Variants in ANO3 observed in about 807,000 individuals in gnomAD.
ANO3 encodes the protein anoctamin 3.
In ANO3, 99 loss-of-function variants were observed where a neutral mutation model predicts 144.8. The ratio of observed to expected loss-of-function variants is 0.68; its 90% CI spans 0.58 to 0.81. ANO3 has a LOEUF of 0.81. Among genes scored for constraint, ANO3 ranks in the 30% least tolerant of loss-of-function variants. The probability of loss-of-function intolerance (pLI) is 0.00; values close to 1 mark genes in which losing one functional copy is unlikely to be tolerated. For missense variants in ANO3, 905 were observed against 1,202.2 expected (o/e 0.75, Z 3.66); for synonymous variants, 414 against 392.6 (o/e 1.05, Z -0.64).
chr11:26,509,084 C>T (rs1861547092), intron 5 of ANO3, among the ~76,000 whole-genome samples: 1 of 107,942 alleles, frequency 9.3e-6, no homozygotes, highest in African/African-American at 3.1e-5. Context: ...CATATATATA[C>T]ACACATCTAT....
chr11:26,643,963 A>C (rs1312292002), intron 23 of ANO3, among the ~76,000 whole-genome samples: 1 of 152,150 alleles, frequency 6.6e-6, no homozygotes, highest in Non-Finnish European at 1.5e-5. Flanking sequence ...CCATCTCCAG[A>C]TATTGAACCT....
chr11:26,312,333 G>A (rs1031871032), intron 1 of ANO3, among the ~76,000 whole-genome samples: 9 of 152,252 alleles, frequency 5.9e-5, no homozygotes, highest in African/African-American at 2.2e-4. Flanking sequence ...ATAGCAGCAT[G>A]ATTTGTAATC....
chr11:26,561,163 T>A, intron 14 of ANO3: 1 of 1,612,840 alleles, frequency 6.2e-7, no homozygotes, highest in East Asian at 2.2e-5. Flanking sequence ...AAAGTTGGAT[T>A]GTAGTAGCTA....
At chr11:26,295,515 C>CA (rs71047842) in intron 1 of ANO3, among the ~76,000 whole-genome samples, 2,835 of 63,686 alleles carry the variant, frequency 0.045, 97 homozygotes, top group East Asian at 0.084. Context: ...GACTCTGTCT[C>CA]AAAAAAAAAA....
intron 14 of ANO3, among the ~76,000 whole-genome samples, chr11:26,595,120 A>G (rs1306408914): frequency 2.0e-5 from 3 of 152,186 alleles, no homozygotes; most frequent in Non-Finnish European, 4.4e-5. Context: ...AGCGTCCTCT[A>G]TGGTGTTAAT....
At chr11:26,411,273 T>C (rs1274020015) in intron 1 of ANO3, among the ~76,000 whole-genome samples, 1 of 151,944 alleles carries the variant, frequency 6.6e-6, no homozygotes, top group African/African-American at 2.4e-5. Flanking sequence ...ATGGAGAAGA[T>C]GGATGTAAAT....
At chr11:26,256,983 C>T (rs1000981967) in intron 1 of ANO3, among the ~76,000 whole-genome samples, 5 of 151,642 alleles carry the variant, frequency 3.3e-5, no homozygotes, top group African/African-American at 7.3e-5. Flanking sequence ...AGAACAACCC[C>T]CAGCAAAAAA....
intron 17 of ANO3, among the ~76,000 whole-genome samples, chr11:26,612,393 C>A (rs1407100601): frequency 2.0e-5 from 3 of 150,904 alleles, no homozygotes; most frequent in Admixed American, 2.0e-4. Flanking sequence ...AGGCTCTTTC[C>A]CTCCCCCTAC....
chr11:26,460,474 A>G (rs1859354397), intron 3 of ANO3, among the ~76,000 whole-genome samples: 2 of 148,130 alleles, frequency 1.4e-5, no homozygotes, highest in Non-Finnish European at 3.0e-5. Context: ...GAAGGAAGGG[A>G]GGAAGGAAGG....
rs201712393 is a variant in ANO3, at chr11:26,595,460, G to GTTTTTTTTTTTTTTTTTTTT, written c.1448-2897_1448-2878dup. Among the ~76,000 whole-genome samples, 30 of 101,382 alleles carry GTTTTTTTTTTTTTTTTTTTT rather than the reference G, an allele frequency of 3.0e-4. 2 individuals are homozygous for GTTTTTTTTTTTTTTTTTTTT. The highest frequency in any genetic ancestry group is 5.4e-4 in the African/African-American group (13 of 23,946). 66.5% of individuals were successfully genotyped at this position (101,382 alleles called of 152,430 possible). A position where few individuals can be genotyped will look rare whatever the true frequency, so the allele number is the denominator to read the frequency against. The stretch of plus-strand genomic sequence containing the variant: ...TTTGACTCAGTATTGAGATAGAGTT[G>GTTTTTTTTTTTTTTTTTTTT]TTTTTTTTTTTTTTTTTTTTTTTTT... On this transcript the variant is annotated intron_variant, in intron 14 of 26. Coordinates refer to ENST00000256737, the MANE Select transcript of ANO3 (RefSeq NM_031418.4).
chr11:26,296,241 T>G (rs1435435533), intron 1 of ANO3, among the ~76,000 whole-genome samples: 2 of 152,220 alleles, frequency 1.3e-5, no homozygotes, highest in Non-Finnish European at 1.5e-5. Context: ...TAAATGAGTT[T>G]ATTAAAACCC....
chr11:26,572,533 C>T (rs953992369), intron 14 of ANO3, among the ~76,000 whole-genome samples: 1 of 152,068 alleles, frequency 6.6e-6, no homozygotes, highest in Non-Finnish European at 1.5e-5. Context: ...GCACTTGTTG[C>T]TCTATGCCAG....
In ANO3 at chr11:26,345,940, G is replaced by A. The variant is rs373349665; in HGVS notation, c.46+13619G>A. ...TATAGAAAAGCTGGAATTTGAATGA[G>A]CAATATGGCTGTATAACTTGTTTTC... is the stretch of plus-strand genomic sequence containing the variant. On this transcript the variant is annotated intron_variant, in intron 1 of 26. Transcript: ENST00000256737. 3.9e-5 allele frequency among the ~76,000 whole-genome samples: 6 copies of A among 152,304 alleles called. No individual in the cohort carries two copies. In the East Asian group the frequency reaches 1.2e-3, roughly 29 times the overall value.
rs530564462 is a variant in ANO3 at position 26,637,293 on chromosome 11, T to A, written c.2044-1851T>A. 8.5e-5 allele frequency among the ~76,000 whole-genome samples: 13 copies of A among 152,292 alleles called. No homozygotes were observed. In the South Asian group the frequency reaches 2.5e-3, roughly 29 times the overall value. ...TGTGGGTAGCGAACCAATCACATGA[T>A]CCTATGATCATCTTCTTTTTCCCAT... On this transcript the variant is annotated intron_variant, in intron 20 of 26. Transcript: ENST00000256737.
At chr11:26,487,826 A>G (rs1267516958) in intron 4 of ANO3, among the ~76,000 whole-genome samples, 1 of 152,166 alleles carries the variant, frequency 6.6e-6, no homozygotes, top group Non-Finnish European at 1.5e-5. Context: ...GAAGAAACGG[A>G]TTCTAAGCAG....
chr11:26,443,775 G>A lies in ANO3; in HGVS notation c.252G>A (p.Glu84=), dbSNP rs1858611356. ...STDKAEQVNT[E]ENKNDSVLRC... ...CTTATTTTATTTCAGTTAATACTGA[G>A]GAGAATAAAAACGACTCTGTGCTGA... The change falls in exon 3 of 27, where the codon GAG becomes GAA. Residue 84 remains glutamate (E), a synonymous_variant. Coordinates refer to ENST00000256737, the MANE Select transcript of ANO3 (RefSeq NM_031418.4). 8 of 1,480,494 alleles carry A rather than the reference G, an allele frequency of 5.4e-6. No individual in the cohort carries two copies. The highest frequency in any genetic ancestry group is 6.4e-6 in the Non-Finnish European group (7 of 1,087,002). The allele number at this position is 1,480,494 out of a possible 1,614,324, so 91.7% of individuals were successfully genotyped here.
At chr11:26,226,307 C>T (rs976174122) in intron 1 of ANO3, among the ~76,000 whole-genome samples, 6 of 151,452 alleles carry the variant, frequency 4.0e-5, no homozygotes, top group African/African-American at 1.5e-4. Flanking sequence ...TTTATAGATA[C>T]CTACACTAAA....
At chr11:26,220,889 G>T (rs1201484907) in intron 1 of ANO3, among the ~76,000 whole-genome samples, 2 of 152,164 alleles carry the variant, frequency 1.3e-5, no homozygotes, top group African/African-American at 4.8e-5. Flanking sequence ...GCATGACAGT[G>T]TGCATTTCAT....
chr11:26,253,312 G>A (rs1590217493), intron 1 of ANO3, among the ~76,000 whole-genome samples: 2 of 152,194 alleles, frequency 1.3e-5, no homozygotes, highest in South Asian at 2.1e-4. Context: ...GCAGAAAATC[G>A]AATACCACAG....
Sources: allele counts gnomAD v4.1 joint callset (sites outside exome capture counted in the v4.1 genomes callset), GRCh38; gene constraint gnomAD v4.1.1; transcripts MANE v1.5; gene names NCBI Gene and HGNC (gene_info 2026-07-23, HGNC 2026-07-21).